The following CES5A variants were observed in gnomAD, a reference collection of about 807,000 sequenced individuals.
CES5A encodes carboxylesterase 5A.
CES5A carries 67 observed loss-of-function variants against 62.9 expected under a neutral mutation model. The observed-to-expected ratio is 1.07, with a 90% CI of 0.88 to 1.31. The LOEUF (loss-of-function observed/expected upper bound fraction) is 1.31, where lower values mean the gene tolerates loss of function less well. Ranked by LOEUF, CES5A falls within the 50% of genes most tolerant of loss-of-function variation. The probability of loss-of-function intolerance (pLI) is 0.00; values close to 1 mark genes in which losing one functional copy is unlikely to be tolerated. For missense variants in CES5A, 748 were observed against 708.5 expected (o/e 1.06, Z -0.63); for synonymous variants, 296 against 280.8 (o/e 1.05, Z -0.54).
chr16:55,854,544 C>CTTTTCTTTTTTTTTTT (rs750867515), intron 9 of CES5A, among the ~76,000 whole-genome samples: 9 of 64,414 alleles, frequency 1.4e-4, no homozygotes, highest in South Asian at 8.6e-4. Flanking sequence ...TTTTTTTTTT[C>CTTTTCTTTTTTTTTTT]TTTTTTTTTT....
At chr16:55,857,904 G>A (rs550769267) in intron 8 of CES5A, among the ~76,000 whole-genome samples, 110 of 152,316 alleles carry the variant, frequency 7.2e-4, no homozygotes, top group Non-Finnish European at 1.4e-3. Context: ...GATATTTAAA[G>A]GGAGAGCCTA....
intron 11 of CES5A, among the ~76,000 whole-genome samples, chr16:55,847,530 A>C (rs1167850767): frequency 6.6e-6 from 1 of 152,188 alleles, no homozygotes; most frequent in Non-Finnish European, 1.5e-5. Context: ...TCTTCCCTGC[A>C]GATGCCCAGT....
At chr16:55,859,974 T>G (rs2033319794) in intron 7 of CES5A, among the ~76,000 whole-genome samples, 1 of 152,118 alleles carries the variant, frequency 6.6e-6, no homozygotes, top group African/African-American at 2.4e-5. Flanking sequence ...TGTTATATGG[T>G]TTGGCTGTGT....
chr16:55,923,436 T>C (rs2034228409), intron 1 of CES5A, among the ~76,000 whole-genome samples: 2 of 151,884 alleles, frequency 1.3e-5, no homozygotes, highest in South Asian at 4.1e-4. Context: ...GATAAATGTC[T>C]GGACACATAC....
At chr16:55,873,349 G>A (rs2033631320) in intron 2 of CES5A, among the ~76,000 whole-genome samples, 1 of 152,018 alleles carries the variant, frequency 6.6e-6, no homozygotes, top group Non-Finnish European at 1.5e-5. Context: ...ATTGCATCAG[G>A]CACCGTTTTG....
intron 11 of CES5A, among the ~76,000 whole-genome samples, chr16:55,849,294 G>C (rs1375176616): frequency 1.1e-4 from 17 of 152,094 alleles, no homozygotes; most frequent in Non-Finnish European, 1.9e-4. Flanking sequence ...TTCTGGGAAG[G>C]GGAGGGAGGG....
chr16:55,893,967 A>T (rs2033906057), intron 1 of CES5A, among the ~76,000 whole-genome samples: 1 of 152,166 alleles, frequency 6.6e-6, no homozygotes, highest in Non-Finnish European at 1.5e-5. Context: ...GGCTTAAAAA[A>T]CTTTGCCAAA....
Position 55,875,184 on chromosome 16 carries a change from A to G in CES5A, c.38T>C (p.Ile13Thr). The G allele has an allele frequency of 1.2e-6, 2 of 1,614,088 alleles. No homozygotes were observed. Among genetic ancestry groups the G allele is most frequent in the Non-Finnish European group, 1.7e-6 (2 of 1,179,988 alleles). ...GGCTGCAAGGACCCAGATAGCCCAA[A>G]TTAGGATCTGGCCTGGGTGCACCCA... ...GNWVHPGQIL[I>T]WAIWVLAAPT... is the part of the protein sequence containing the mutation. Residue 13 changes from isoleucine (I) to threonine (T), a missense_variant, in exon 1 of 13, where the codon ATT becomes ACT. By Grantham distance (89) the Ile-to-Thr change is moderately conservative. Coordinates refer to ENST00000290567, the MANE Select transcript of CES5A (RefSeq NM_001143685.2).
At chr16:55,906,826 A>G (rs1396663075) in intron 1 of CES5A, among the ~76,000 whole-genome samples, 2 of 152,222 alleles carry the variant, frequency 1.3e-5, no homozygotes, top group African/African-American at 4.8e-5. Context: ...AAAAGCTGCG[A>G]GTCCTGAGCC....
intron 1 of CES5A, among the ~76,000 whole-genome samples, chr16:55,905,436 G>A (rs1018024367): frequency 4.2e-4 from 63 of 150,392 alleles, no homozygotes; most frequent in African/African-American, 1.2e-3. Flanking sequence ...GCTCAATCTC[G>A]GCTCACTGCA....
At chr16:55,954,535 A>G (rs1292227713) in intron 1 of CES5A, among the ~76,000 whole-genome samples, 3 of 152,166 alleles carry the variant, frequency 2.0e-5, no homozygotes, top group Non-Finnish European at 1.5e-5. Flanking sequence ...TAACACAGTA[A>G]CTTTTTTTTG....
chr16:55,859,690 G>C lies in CES5A; in HGVS notation c.916-3C>G. Reference sequence around the variant, plus strand: ...ACTCGAGTGAAAGACTTTGTTTTCTGTAATAAGGAAGAAAAAAAAATCATC... The same window carrying C: ...ACTCGAGTGAAAGACTTTGTTTTCTCTAATAAGGAAGAAAAAAAAATCATC... On this transcript the variant is annotated splice_region_variant and splice_polypyrimidine_tract_variant and intron_variant, in intron 7 of 12. Transcript: ENST00000290567. 6.3e-7 allele frequency: 1 copy of C among 1,596,098 alleles called. No individual in the cohort carries two copies. The highest frequency in any genetic ancestry group is 8.5e-7 in the Non-Finnish European group (1 of 1,174,022).
chr16:55,847,969 G>T (rs1344175241), intron 11 of CES5A, among the ~76,000 whole-genome samples: 2 of 152,108 alleles, frequency 1.3e-5, no homozygotes, highest in Admixed American at 6.6e-5. Flanking sequence ...GAGTGCAGTG[G>T]CATGATCATA....
intron 4 of CES5A, 100 bp downstream of exon 4, chr16:55,869,511 C>T (rs1369684132): frequency 4.2e-5 from 61 of 1,448,730 alleles, no homozygotes; most frequent in East Asian, 2.2e-4. Flanking sequence ...GTTCATTGTC[C>T]CGGAAGGCTC....
At chr16:55,887,331 C>A (rs1158719642) in intron 1 of CES5A, among the ~76,000 whole-genome samples, 9 of 148,100 alleles carry the variant, frequency 6.1e-5, no homozygotes, top group African/African-American at 2.2e-4. Flanking sequence ...GAACTTGAAA[C>A]TAGATCTGCT....
intron 7 of CES5A, 123 bp downstream of exon 7, chr16:55,861,289 C>T: frequency 1.6e-6 from 1 of 636,456 alleles, no homozygotes; most frequent in South Asian, 1.9e-5. Context: ...CAGCTGTTAC[C>T]AAGTACCTCA....
chr16:55,906,739 C>A (rs1201486032), intron 1 of CES5A, among the ~76,000 whole-genome samples: 1 of 152,120 alleles, frequency 6.6e-6, no homozygotes, highest in Non-Finnish European at 1.5e-5. Context: ...TTAAGACAGA[C>A]CTTGCAGGCA....
intron 2 of CES5A, among the ~76,000 whole-genome samples, chr16:55,941,667 TG>T (rs1465878039): frequency 1.3e-5 from 2 of 151,998 alleles, no homozygotes; most frequent in African/African-American, 4.8e-5. Context: ...AAAACAATTT[TG>T]AAAAAGGAAT....
At chr16:55,916,627 G>A (rs1238562641) in intron 1 of CES5A, among the ~76,000 whole-genome samples, 2 of 152,178 alleles carry the variant, frequency 1.3e-5, no homozygotes, top group Admixed American at 1.3e-4. Context: ...TGGCAGTCAA[G>A]TTCCCTAACA....
Sources: allele counts gnomAD v4.1 joint callset (sites outside exome capture counted in the v4.1 genomes callset), GRCh38; gene constraint gnomAD v4.1.1; transcripts MANE v1.5; gene names NCBI Gene and HGNC (gene_info 2026-07-23, HGNC 2026-07-21).